Variants in SV2C observed in about 807,000 individuals in gnomAD.
SV2C encodes the protein synaptic vesicle glycoprotein 2C, also known as solute carrier family 22 member B3.
A neutral mutation model predicts 79.7 loss-of-function variants in SV2C; 49 were observed. That is an observed-to-expected ratio of 0.61 (90% confidence interval 0.49 to 0.78). The LOEUF is 0.78. Ranked by LOEUF, SV2C falls within the 30% of genes least tolerant of loss-of-function variation. The probability of loss-of-function intolerance (pLI) is 0.00; values close to 1 mark genes in which losing one functional copy is unlikely to be tolerated. For synonymous variants in SV2C, 334 were observed against 333.2 expected (o/e 1.00, Z -0.03); for missense variants, 833 against 912.9 (o/e 0.91, Z 1.13).
At chr5:75,983,920 A>C in the SV2C span, among the ~76,000 whole-genome samples, 2 of 152,110 alleles carry the variant, frequency 1.3e-5, no homozygotes, top group Non-Finnish European at 2.9e-5. Flanking sequence ...AACTGTGAGT[A>C]TATTGCTGCA....
the SV2C span, among the ~76,000 whole-genome samples, chr5:75,936,464 A>G: frequency 1.3e-5 from 2 of 152,316 alleles, no homozygotes; most frequent in East Asian, 3.9e-4. Context: ...AATAGTATGT[A>G]AAGGTTCATC....
chr5:75,987,767 A>G, the SV2C span, among the ~76,000 whole-genome samples: 1 of 152,064 alleles, frequency 6.6e-6, no homozygotes, highest in African/African-American at 2.4e-5. Context: ...ATTGCAAAGC[A>G]TAAAAATAAA....
the SV2C span, among the ~76,000 whole-genome samples, chr5:76,057,065 A>G: frequency 2.0e-5 from 3 of 151,940 alleles, no homozygotes; most frequent in African/African-American, 7.2e-5. Flanking sequence ...TTGCTTTTCT[A>G]GTTCTTTTAA....
At chr5:76,258,806 G>A (rs967575953) in intron 4 of SV2C, among the ~76,000 whole-genome samples, 33 of 152,070 alleles carry the variant, frequency 2.2e-4, no homozygotes, top group Admixed American at 1.3e-4. Flanking sequence ...CCCATCACCC[G>A]TATTTCAGTC....
chr5:76,182,604 C>T (rs982474181), intron 2 of SV2C, among the ~76,000 whole-genome samples: 1 of 152,166 alleles, frequency 6.6e-6, no homozygotes, highest in South Asian at 2.1e-4. Context: ...CACACACTCT[C>T]AGAGTTGTGC....
chr5:76,073,318 T>C, the SV2C span, among the ~76,000 whole-genome samples: 1 of 151,940 alleles, frequency 6.6e-6, no homozygotes, highest in Non-Finnish European at 1.5e-5. Flanking sequence ...GGCTTGCCAA[T>C]TATCCCAGCA....
At position 76,333,857 on chromosome 5, in the gene SV2C, T is replaced by G. The variant is rs1749251853; in HGVS notation, c.*8310T>G. ...ACTTGGAATTGTGTATACATTTATA[T>G]GCCAGATAACTAACATTCATGTAAC... On this transcript the variant is annotated 3_prime_UTR_variant, in exon 13 of 13. Coordinates refer to ENST00000502798, the MANE Select transcript of SV2C (RefSeq NM_014979.4). The G allele has an allele frequency of 6.6e-6, 1 of 152,242 alleles. No homozygotes were observed. The highest frequency in any genetic ancestry group is 1.5e-5 in the Non-Finnish European group (1 of 68,042). 9.4% of individuals were successfully genotyped at this position (152,242 alleles called of 1,614,324 possible). A position where few individuals can be genotyped will look rare whatever the true frequency, so the allele number is the denominator to read the frequency against.
At chr5:76,285,622 C>A in intron 5 of SV2C, 159 bp from the exon 6 acceptor site, 1 of 634,838 alleles carries the variant, frequency 1.6e-6, no homozygotes. Flanking sequence ...CTCATGTATT[C>A]AGTGATATCC....
intron 2 of SV2C, among the ~76,000 whole-genome samples, chr5:76,189,168 C>T (rs1038029295): frequency 5.3e-5 from 8 of 151,872 alleles, no homozygotes; most frequent in Admixed American, 6.6e-5. Flanking sequence ...TCCAGGGTAC[C>T]TTGGCACCTT....
At chr5:76,121,176 G>A (rs1167246870) in intron 1 of SV2C, among the ~76,000 whole-genome samples, 1 of 152,048 alleles carries the variant, frequency 6.6e-6, no homozygotes, top group Non-Finnish European at 1.5e-5. Context: ...CTTTTGAGAA[G>A]TGTCTGTTCA....
At chr5:76,002,187 TATA>T in the SV2C span, among the ~76,000 whole-genome samples, 1 of 144,744 alleles carries the variant, frequency 6.9e-6, no homozygotes, top group Non-Finnish European at 1.5e-5. Context: ...TATATATATA[TATA>T]ATATTTTCTT....
At chr5:76,020,722 C>A in the SV2C span, among the ~76,000 whole-genome samples, 1 of 152,166 alleles carries the variant, frequency 6.6e-6, no homozygotes, top group Admixed American at 6.5e-5. Context: ...TGCAAGTGGG[C>A]ACGGCCAGGT....
intron 1 of SV2C, among the ~76,000 whole-genome samples, chr5:76,102,913 T>C (rs171807): frequency 0.18 from 27,809 of 152,212 alleles, 3,201 homozygotes; most frequent in South Asian, 0.34. Context: ...CTTGTTTATA[T>C]CCAGAGGCAG....
chr5:75,851,474 C>T, the SV2C span, among the ~76,000 whole-genome samples: 4 of 152,282 alleles, frequency 2.6e-5, no homozygotes, highest in Admixed American at 2.0e-4. Context: ...ATGGCTTTTT[C>T]GCCCATGGTA....
At chr5:76,342,752 G>A (rs1283420674) in intron 12 of SV2C, among the ~76,000 whole-genome samples, 1 of 152,114 alleles carries the variant, frequency 6.6e-6, no homozygotes, top group Non-Finnish European at 1.5e-5. Flanking sequence ...TACTTATTTG[G>A]GATATTCTTG....
At chr5:76,311,018 T>C (rs1274346307) in intron 12 of SV2C, among the ~76,000 whole-genome samples, 1 of 152,238 alleles carries the variant, frequency 6.6e-6, no homozygotes, top group East Asian at 1.9e-4. Flanking sequence ...TAGACTTCCC[T>C]ATAACCTCTG....
At chr5:75,865,663 G>T in the SV2C span, among the ~76,000 whole-genome samples, 1 of 152,222 alleles carries the variant, frequency 6.6e-6, no homozygotes, top group Admixed American at 6.5e-5. Context: ...AGGAGCCTAG[G>T]AAGAAAAGGA....
chr5:76,006,820 T>A, the SV2C span, among the ~76,000 whole-genome samples: 1 of 152,166 alleles, frequency 6.6e-6, no homozygotes, highest in Admixed American at 6.6e-5. Context: ...ACAGCTTCCA[T>A]GCCTTCAGTC....
At chr5:76,279,345 AG>A (rs1747113900) in intron 4 of SV2C, among the ~76,000 whole-genome samples, 2 of 152,234 alleles carry the variant, frequency 1.3e-5, no homozygotes, top group African/African-American at 4.8e-5. Flanking sequence ...GAGATAGATT[AG>A]TGCCCCTAGA....
Sources: allele counts gnomAD v4.1 joint callset (sites outside exome capture counted in the v4.1 genomes callset), GRCh38; gene constraint gnomAD v4.1.1; transcripts MANE v1.5; gene names NCBI Gene and HGNC (gene_info 2026-07-23, HGNC 2026-07-21).